CDK13: variants seen among roughly 807,000 people sequenced by gnomAD.
CDK13 encodes the protein cyclin dependent kinase 13.
In CDK13, 40 loss-of-function variants were observed where a neutral mutation model predicts 137.6. The ratio of observed to expected loss-of-function variants is 0.29; its 90% CI spans 0.23 to 0.38. The LOEUF is 0.38. Among genes scored for constraint, CDK13 ranks in the 10% least tolerant of loss-of-function variants. The pLI, the probability that CDK13 is intolerant of heterozygous loss-of-function variation, is 1.00. For synonymous variants in CDK13, 869 were observed against 760.1 expected (o/e 1.14, Z -2.36); for missense variants, 1,704 against 1,951.8 (o/e 0.87, Z 2.39).
At chr7:40,040,159 C>T (rs1298218231) in intron 5 of CDK13, among the ~76,000 whole-genome samples, 2 of 151,978 alleles carry the variant, frequency 1.3e-5, no homozygotes. Context: ...TTACAGGCAC[C>T]CACCACCACA....
In CDK13 at chr7:39,950,656, G is replaced by A; in HGVS notation, c.15G>A (p.Ser5=). MPSS[S]DTALGGGGGL... The stretch of plus-strand genomic sequence containing the variant: ...GGCTCTAGGCGATGCCGAGCAGCTC[G>A]GACACGGCGCTGGGGGGAGGCGGGG... Residue 5 remains serine (S), a synonymous_variant, in exon 1 of 14, where the codon TCG becomes TCA. Coordinates refer to ENST00000181839, the MANE Select transcript of CDK13 (RefSeq NM_003718.5). The A allele has an allele frequency of 7.4e-7, 1 of 1,343,758 alleles. No homozygotes were observed. Among genetic ancestry groups the A allele is most frequent in the Non-Finnish European group, 9.5e-7 (1 of 1,050,356 alleles). 83.2% of individuals were successfully genotyped at this position (1,343,758 alleles called of 1,614,324 possible).
At position 39,987,643 on chromosome 7, in the gene CDK13, A is replaced by G. The variant is rs151224668; in HGVS notation, c.1256A>G (p.His419Arg). Residue 419 changes from histidine to arginine, a missense_variant, in exon 2 of 14, where the codon CAT becomes CGT. His to Arg is a conservative substitution (Grantham distance 29). Around this residue, in one of 5 missense-constraint regions of CDK13, gnomAD observed 1,051 missense variants for 931.0 expected, o/e 1.13. Transcript: ENST00000181839. ...SRSRSPYSSR[H>R]SRSRSRHRLS... is the part of the protein sequence containing the mutation. ...AGCAGAAGCCCGTATTCATCTAGGC[A>G]TTCAAGATCTCGTAGCAGGCACAGA... 6.2e-7 allele frequency: 1 copy of G among 1,611,512 alleles called. No homozygotes were observed. The highest frequency in any genetic ancestry group is 8.5e-7 in the Non-Finnish European group (1 of 1,179,334).
At chr7:39,994,400 C>G (rs1030610382) in intron 2 of CDK13, among the ~76,000 whole-genome samples, 2 of 152,038 alleles carry the variant, frequency 1.3e-5, no homozygotes, top group African/African-American at 4.8e-5. Flanking sequence ...TATAAAAATT[C>G]TTACATATAT....
chr7:40,063,364 T>G (rs1226254007), intron 9 of CDK13, among the ~76,000 whole-genome samples: 2 of 152,088 alleles, frequency 1.3e-5, no homozygotes, highest in Non-Finnish European at 2.9e-5. Flanking sequence ...TCAAAGGACT[T>G]GAGGCCCAAA....
At chr7:40,035,999 T>C (rs1276195550) in intron 5 of CDK13, among the ~76,000 whole-genome samples, 1 of 151,698 alleles carries the variant, frequency 6.6e-6, no homozygotes, top group Admixed American at 6.6e-5. Context: ...CTCGTCTCTA[T>C]AAAAAATTAC....
intron 1 of CDK13, among the ~76,000 whole-genome samples, chr7:39,979,332 T>C (rs751992370): frequency 7.3e-5 from 11 of 151,298 alleles, no homozygotes; most frequent in Middle Eastern, 3.4e-3. Flanking sequence ...TTCTCCTGCC[T>C]CAGCCTCCCA....
Position 40,095,538 on chromosome 7 carries a change from C to T in CDK13, c.*558C>T, listed in dbSNP as rs1232633141. 1 of 78,894 alleles carries T rather than the reference C, an allele frequency of 1.3e-5. No individual in the cohort carries two copies. Among genetic ancestry groups the T allele is most frequent in the Non-Finnish European group, 2.4e-5 (1 of 41,304 alleles). The allele number at this position is 78,894 out of a possible 1,614,324, so 4.9% of individuals were successfully genotyped here. A position where few individuals can be genotyped will look rare whatever the true frequency, so the allele number is the denominator to read the frequency against. On this transcript the variant is annotated 3_prime_UTR_variant, in exon 14 of 14. Transcript: ENST00000181839. ...AAACACAACCTTTCTCTTGATGCAA[C>T]AGTTTTATAAAAAAAAAAATGGTCA...
intron 1 of CDK13, among the ~76,000 whole-genome samples, chr7:39,983,665 T>C (rs1784276336): frequency 6.6e-6 from 1 of 152,210 alleles, no homozygotes; most frequent in Admixed American, 6.5e-5. Flanking sequence ...CCTACACTGC[T>C]TTCTTCTGCT....
intron 9 of CDK13, among the ~76,000 whole-genome samples, chr7:40,074,292 G>T (rs113217219): frequency 1.6e-3 from 238 of 152,320 alleles, no homozygotes; most frequent in African/African-American, 5.7e-3. Context: ...GGAGGCCGAG[G>T]TGGGCGGATC....
Position 39,950,829 on chromosome 7 carries a change from C to A in CDK13, c.188C>A (p.Ala63Asp). 1 of 1,406,958 alleles carries A rather than the reference C, an allele frequency of 7.1e-7. No individual in the cohort carries two copies. Among genetic ancestry groups the A allele is most frequent in the South Asian group, 1.5e-5 (1 of 65,248 alleles). 87.2% of individuals were successfully genotyped at this position (1,406,958 alleles called of 1,614,324 possible). A position where few individuals can be genotyped will look rare whatever the true frequency, so the allele number is the denominator to read the frequency against. ...PPPPPLLFLAAPGTAAAAAAA... is the reference protein window; with the variant it reads ...PPPPPLLFLADPGTAAAAAAA... ...CCGCCGCCTCTGCTCTTCCTGGCTGCTCCCGGCACGGCCGCCGCCGCAGCC... is the reference window on the plus strand; with the variant it reads ...CCGCCGCCTCTGCTCTTCCTGGCTGATCCCGGCACGGCCGCCGCCGCAGCC... Residue 63 changes from alanine (A) to aspartate (D), a missense_variant, in exon 1 of 14, where the codon GCT becomes GAT. Coordinates refer to ENST00000181839, the MANE Select transcript of CDK13 (RefSeq NM_003718.5).
In CDK13 at chr7:39,961,493, T is replaced by A. The variant is rs527840011; in HGVS notation, c.1211+9641T>A. 2.6e-5 allele frequency among the ~76,000 whole-genome samples: 4 copies of A among 152,318 alleles called. No homozygotes were observed. In the East Asian group the frequency reaches 7.7e-4, roughly 29 times the overall value. On this transcript the variant is annotated intron_variant, in intron 1 of 13. Coordinates refer to ENST00000181839, the MANE Select transcript of CDK13 (RefSeq NM_003718.5). ...TTGTGTCTTTTGATCAACATCTCCC[T>A]TTCCCTATACACTCCTCTCCCCTAG...
intron 9 of CDK13, among the ~76,000 whole-genome samples, chr7:40,068,287 T>G (rs1366152708): frequency 6.6e-6 from 1 of 151,402 alleles, no homozygotes; most frequent in Admixed American, 6.6e-5. Context: ...AATGGCAAAG[T>G]AATAAAGACT....
intron 7 of CDK13, among the ~76,000 whole-genome samples, chr7:40,053,057 T>TA (rs1785928259): frequency 6.6e-6 from 1 of 152,218 alleles, no homozygotes; most frequent in Non-Finnish European, 1.5e-5. Flanking sequence ...CTTTTAACTG[T>TA]AAGATCAAGA....
chr7:40,078,790 G>A lies in CDK13; in HGVS notation c.2968G>A (p.Glu990Lys). 1.3e-6 allele frequency: 2 copies of A among 1,549,916 alleles called. No individual in the cohort carries two copies. The highest frequency in any genetic ancestry group is 1.4e-5 in the African/African-American group (1 of 73,116). Reference sequence around the variant, plus strand: ...GGATCCTAGTAAGCGCTGCACTGCTGAACAGGCTCTTCAGTGCGAGTTCCT... The same window carrying A: ...GGATCCTAGTAAGCGCTGCACTGCTAAACAGGCTCTTCAGTGCGAGTTCCT... ...ALDPSKRCTA[E>K]QALQCEFLRD... Residue 990 changes from glutamate (E) to lysine (K), a missense_variant, in exon 11 of 14, where the codon GAA (glutamate) becomes AAA (lysine). Physicochemically the swap from Glu to Lys is moderately conservative, Grantham distance 56. Around this residue, in one of 5 missense-constraint regions of CDK13, gnomAD observed 45 missense variants for 57.0 expected, o/e 0.79. Transcript: ENST00000181839.
intron 1 of CDK13, among the ~76,000 whole-genome samples, chr7:39,967,894 A>T (rs565730499): frequency 3.4e-4 from 48 of 142,572 alleles, no homozygotes; most frequent in Admixed American, 9.8e-4. Context: ...TGTCCTTTTT[A>T]AAAAAAAAAA....
At chr7:39,969,738 T>C (rs1783953492) in intron 1 of CDK13, among the ~76,000 whole-genome samples, 1 of 152,176 alleles carries the variant, frequency 6.6e-6, no homozygotes, top group South Asian at 2.1e-4. Context: ...TCATTGTGGT[T>C]TTATTTGCAA....
At chr7:40,024,482 G>T (rs1785195389) in intron 5 of CDK13, among the ~76,000 whole-genome samples, 1 of 151,966 alleles carries the variant, frequency 6.6e-6, no homozygotes, top group African/African-American at 2.4e-5. Flanking sequence ...TTTCTTAGTT[G>T]ACTTGGCCAG....
intron 1 of CDK13, among the ~76,000 whole-genome samples, chr7:39,954,877 C>T (rs557944640): frequency 6.6e-6 from 1 of 152,302 alleles, no homozygotes; most frequent in South Asian, 2.1e-4. Context: ...CTGCATCAGC[C>T]TCCCAAAGTC....
At chr7:39,966,077 A>G (rs1262500468) in intron 1 of CDK13, among the ~76,000 whole-genome samples, 4 of 152,098 alleles carry the variant, frequency 2.6e-5, no homozygotes, top group Non-Finnish European at 4.4e-5. Flanking sequence ...AACTTTGGTG[A>G]ATCTGACAAT....
Sources: allele counts gnomAD v4.1 joint callset (sites outside exome capture counted in the v4.1 genomes callset), GRCh38; gene constraint gnomAD v4.1.1; regional missense constraint gnomAD v4.1.1; transcripts MANE v1.5; gene names NCBI Gene and HGNC (gene_info 2026-07-23, HGNC 2026-07-21).